MCC: variants seen among roughly 807,000 people sequenced by gnomAD.
MCC encodes colorectal mutant cancer protein.
Under a neutral mutation model 116.2 loss-of-function variants are expected in MCC, and 90 were observed. The ratio of observed to expected loss-of-function variants is 0.77; its 90% confidence interval spans 0.65 to 0.92. The LOEUF (loss-of-function observed/expected upper bound fraction) is 0.92. MCC is among the 40% of genes least tolerant of loss of function. The pLI is 0.00. For missense variants in MCC, 1,516 were observed against 1,312.2 expected (o/e 1.16, Z -2.40); for synonymous variants, 578 against 510.5 (o/e 1.13, Z -1.78).
intron 3 of MCC, among the ~76,000 whole-genome samples, chr5:113,311,090 A>T (rs1767125137): frequency 6.6e-6 from 1 of 152,218 alleles, no homozygotes; most frequent in Non-Finnish European, 1.5e-5. Context: ...TGATCAAGCC[A>T]CTGCACTTCA....
rs1311646422 is a variant in MCC, at chr5:113,445,429, AT to A, written c.170+42815del. On this transcript the variant is annotated intron_variant, in intron 1 of 18. Coordinates refer to ENST00000408903, the MANE Select transcript of MCC (RefSeq NM_001085377.2). Reference sequence around the variant, plus strand: ...ACAAAATCAATGTATTAATAAAAAAATCAGTAGCATTTTTATACAGTAATAA... The same window carrying A: ...ACAAAATCAATGTATTAATAAAAAAACAGTAGCATTTTTATACAGTAATAA... Among the ~76,000 whole-genome samples the A allele has an allele frequency of 2.0e-5, 3 of 152,340 alleles. No individual in the cohort carries two copies. The East Asian group carries it at 5.8e-4, about 29-fold the overall frequency.
intron 13 of MCC, among the ~76,000 whole-genome samples, chr5:113,065,530 C>T (rs1048410819): frequency 3.9e-5 from 6 of 152,052 alleles, no homozygotes; most frequent in Admixed American, 3.9e-4. Flanking sequence ...AAGGTAAATG[C>T]GGAATTGGAT....
In MCC at chr5:113,030,836, C is replaced by G. The variant is rs116327181; in HGVS notation, c.2757-1780G>C. On this transcript the variant is annotated intron_variant, in intron 17 of 18. Transcript: ENST00000408903. ...AAGACTAGAAGGTGAAACACAAACT[C>G]AACAGTGCTTAACTCCTGAAGGGGG... Among the ~76,000 whole-genome samples, 1,414 of 152,296 alleles carry G rather than the reference C, an allele frequency of 9.3e-3. 36 individuals carry two copies. The highest frequency in any genetic ancestry group is 0.032 in the African/African-American group (1,341 of 41,550).
intron 3 of MCC, among the ~76,000 whole-genome samples, chr5:113,203,788 G>A (rs1762794182): frequency 6.6e-6 from 1 of 152,318 alleles, no homozygotes; most frequent in Non-Finnish European, 1.5e-5. Flanking sequence ...GACACCAGAT[G>A]TATGGAGTTT....
At chr5:113,074,078 C>T (rs991158543) in intron 11 of MCC, among the ~76,000 whole-genome samples, 1 of 152,232 alleles carries the variant, frequency 6.6e-6, no homozygotes, top group Non-Finnish European at 1.5e-5. Flanking sequence ...GATAGACTGC[C>T]TCCTCAAGTG....
intron 1 of MCC, among the ~76,000 whole-genome samples, chr5:113,409,478 A>G (rs1401707911): frequency 6.6e-6 from 1 of 151,930 alleles, no homozygotes; most frequent in Non-Finnish European, 1.5e-5. Context: ...TAGCCTCCCA[A>G]TTAGCTGGAA....
At chr5:113,060,437 G>C (rs1422414952) in intron 14 of MCC, among the ~76,000 whole-genome samples, 1 of 152,186 alleles carries the variant, frequency 6.6e-6, no homozygotes, top group Non-Finnish European at 1.5e-5. Context: ...ACAGGTGTGA[G>C]TCACTGCGCC....
At position 113,025,165 on chromosome 5, in the gene MCC, C is replaced by CAA. The variant is rs1457932257; in HGVS notation, c.*2135_*2136dup. ...TGCCCATTTGATGCCTGCTTAATCA[C>CAA]AAAAAAGAGCCATGCACATCCCACT... On this transcript the variant is annotated 3_prime_UTR_variant, in exon 19 of 19. Coordinates refer to ENST00000408903, the MANE Select transcript of MCC (RefSeq NM_001085377.2). 1 of 151,248 alleles carries CAA rather than the reference C, an allele frequency of 6.6e-6. No individual in the cohort carries two copies. The highest frequency in any genetic ancestry group is 1.9e-4 in the East Asian group (1 of 5,158). The allele number at this position is 151,248 out of a possible 1,614,324, so 9.4% of individuals were successfully genotyped here.
intron 5 of MCC, among the ~76,000 whole-genome samples, chr5:113,136,784 T>C (rs987276692): frequency 3.3e-5 from 5 of 152,176 alleles, no homozygotes; most frequent in African/African-American, 1.2e-4. Flanking sequence ...ATATCATCTG[T>C]GAACAGGATA....
At chr5:113,363,267 C>T (rs11738347) in intron 2 of MCC, among the ~76,000 whole-genome samples, 14,380 of 152,186 alleles carry the variant, frequency 0.094, 946 homozygotes, top group Non-Finnish European at 0.12. Context: ...CAGAGCGAGA[C>T]TCCGTCTCAA....
intron 3 of MCC, among the ~76,000 whole-genome samples, chr5:113,176,062 A>C (rs1761316585): frequency 6.6e-6 from 1 of 152,178 alleles, no homozygotes; most frequent in African/African-American, 2.4e-5. Flanking sequence ...GAAAAATGTT[A>C]AGTTTAAGTA....
intron 3 of MCC, among the ~76,000 whole-genome samples, chr5:113,266,812 CA>C (rs36074192): frequency 0.13 from 19,681 of 147,604 alleles, 1,743 homozygotes; most frequent in Non-Finnish European, 0.19. Flanking sequence ...CAAAACAAAA[CA>C]AAAAAAAAAC....
intron 1 of MCC, among the ~76,000 whole-genome samples, chr5:113,445,258 G>T (rs557501620): frequency 6.6e-6 from 1 of 152,070 alleles, no homozygotes; most frequent in Non-Finnish European, 1.5e-5. Context: ...TCAGGCAAGA[G>T]AAATAAGTAA....
chr5:113,466,297 A>C (rs1771905656), intron 1 of MCC, among the ~76,000 whole-genome samples: 1 of 151,350 alleles, frequency 6.6e-6, no homozygotes, highest in Non-Finnish European at 1.5e-5. Flanking sequence ...CTCGTCATTT[A>C]GCATTAGGTA....
chr5:113,027,312 GT>G lies in MCC; in HGVS notation c.3049del (p.Thr1017LeufsTer42), dbSNP rs1441367660. ...GTGCGTGAGTGCTGATTAAAGCGAA[GT>G]TTCATTGGTGTGTGGCCTGGAGTTC... ...EENSRPHTNE[T>X]SL On this transcript the variant is annotated frameshift_variant, in exon 19 of 19. Transcript: ENST00000408903. LOFTEE classifies it high-confidence loss of function. 1 of 1,614,112 alleles carries G rather than the reference GT, an allele frequency of 6.2e-7. No individual in the cohort carries two copies. The highest frequency in any genetic ancestry group is 2.2e-5 in the East Asian group (1 of 44,886).
chr5:113,175,721 CAT>C (rs1356289942), intron 3 of MCC, among the ~76,000 whole-genome samples: 1 of 152,090 alleles, frequency 6.6e-6, no homozygotes, highest in Non-Finnish European at 1.5e-5. Flanking sequence ...ATAGCAACCA[CAT>C]AATATTCCTT....
At chr5:113,072,706 G>A (rs948602638) in intron 11 of MCC, among the ~76,000 whole-genome samples, 2 of 152,078 alleles carry the variant, frequency 1.3e-5, no homozygotes, top group African/African-American at 2.4e-5. Flanking sequence ...GGGCTGTCCC[G>A]GGGTCCCCTC....
At chr5:113,231,203 T>G (rs911442244) in intron 3 of MCC, among the ~76,000 whole-genome samples, 6 of 152,124 alleles carry the variant, frequency 3.9e-5, no homozygotes, top group Non-Finnish European at 8.8e-5. Context: ...ACTAAAACAT[T>G]TCCCTATTTC....
At chr5:113,268,150 T>C (rs1765483779) in intron 3 of MCC, among the ~76,000 whole-genome samples, 1 of 152,316 alleles carries the variant, frequency 6.6e-6, no homozygotes, top group Admixed American at 6.5e-5. Context: ...ACCACATCTC[T>C]AGTCTCTTCC....
Sources: gnomAD v4.1 joint callset for allele counts (sites outside exome capture counted in the v4.1 genomes callset) on GRCh38, gnomAD v4.1.1 for gene constraint, MANE v1.5 for transcripts, NCBI Gene and HGNC (gene_info 2026-07-23, HGNC 2026-07-21) for gene names.